Variants in CSMD1 observed in about 807,000 individuals in gnomAD.
CSMD1 encodes the protein CUB and sushi domain-containing protein 1.
A neutral mutation model predicts 417.5 loss-of-function variants in CSMD1; 213 were observed. The ratio of observed to expected loss-of-function variants is 0.51; its 90% CI spans 0.46 to 0.57. CSMD1 has a LOEUF of 0.57. CSMD1 is among the 20% of genes least tolerant of loss of function. The probability of loss-of-function intolerance (pLI) is 0.00; values close to 1 mark genes in which losing one functional copy is unlikely to be tolerated. For missense variants in CSMD1, 6,923 were observed against 4,529.7 expected, an observed-to-expected ratio of 1.53 and a Z score of -15.17; for synonymous variants, 2,862 against 1,736.8, an observed-to-expected ratio of 1.65 and a Z score of -16.11.
chr8:4,073,956 A>T (rs537578230), intron 3 of CSMD1, among the ~76,000 whole-genome samples: 2 of 152,200 alleles, frequency 1.3e-5, no homozygotes, highest in South Asian at 2.1e-4. Flanking sequence ...TCTTTTGATA[A>T]ATCACTATAA....
At chr8:4,181,751 C>G (rs1299731586) in intron 3 of CSMD1, among the ~76,000 whole-genome samples, 1 of 152,078 alleles carries the variant, frequency 6.6e-6, no homozygotes, top group Non-Finnish European at 1.5e-5. Flanking sequence ...AACAACAATT[C>G]TTATCTTGTC....
intron 3 of CSMD1, among the ~76,000 whole-genome samples, chr8:4,078,607 A>T (rs1240476772): frequency 2.0e-5 from 3 of 146,942 alleles, no homozygotes; most frequent in African/African-American, 5.0e-5. Flanking sequence ...ATGAAATATA[A>T]TTTTTTTTTT....
chr8:4,532,891 C>A (rs867428754), intron 2 of CSMD1, among the ~76,000 whole-genome samples: 54 of 151,868 alleles, frequency 3.6e-4, no homozygotes, highest in African/African-American at 1.3e-3. Flanking sequence ...AAATCCTGCA[C>A]CCCCATTCAG....
chr8:3,576,760 G>A (rs1350861229), intron 9 of CSMD1, among the ~76,000 whole-genome samples: 9 of 152,140 alleles, frequency 5.9e-5, no homozygotes, highest in Non-Finnish European at 1.3e-4. Context: ...CTGTTTTAAT[G>A]AGCTGTTCTC....
chr8:4,462,674 TAAA>T (rs919559173), intron 2 of CSMD1, among the ~76,000 whole-genome samples: 5 of 152,198 alleles, frequency 3.3e-5, no homozygotes, highest in African/African-American at 1.2e-4. Flanking sequence ...GTTCCAGAGA[TAAA>T]AACCACTGAC....
chr8:4,377,085 T>C lies in CSMD1; in HGVS notation c.415+42868A>G, dbSNP rs187144126. ...CATTGCTTCTGTTGCTTTCATACAT[T>C]TCATTCCTCTTTCTTCTAAATTTTC... On this transcript the variant is annotated intron_variant, in intron 3 of 69. Transcript: ENST00000635120. Among the ~76,000 whole-genome samples the C allele has an allele frequency of 2.3e-3, 343 of 152,314 alleles. 1 individual carries two copies. Among genetic ancestry groups the C allele is most frequent in the African/African-American group, 7.9e-3 (327 of 41,578 alleles).
chr8:4,359,378 G>C (rs188688904), intron 3 of CSMD1, among the ~76,000 whole-genome samples: 21 of 152,266 alleles, frequency 1.4e-4, no homozygotes, highest in Admixed American at 1.1e-3. Flanking sequence ...ATTATCAATA[G>C]GGTTTAAACT....
chr8:3,993,801 T>A (rs897064394), intron 5 of CSMD1, among the ~76,000 whole-genome samples: 2 of 152,254 alleles, frequency 1.3e-5, no homozygotes, highest in African/African-American at 4.8e-5. Flanking sequence ...ACAACCTGTT[T>A]GTTTCACTTG....
intron 58 of CSMD1, 46 bp from the exon 59 acceptor site, chr8:2,966,000 T>C (rs1407162033): frequency 2.0e-6 from 3 of 1,485,180 alleles, no homozygotes; most frequent in Non-Finnish European, 2.8e-6. Flanking sequence ...TCATTTACCA[T>C]GAAATGAATT....
chr8:4,087,682 C>T (rs1216800515), intron 3 of CSMD1, among the ~76,000 whole-genome samples: 2 of 152,170 alleles, frequency 1.3e-5, no homozygotes, highest in African/African-American at 4.8e-5. Context: ...CATTCTTCCT[C>T]TCGTGTCTCT....
chr8:3,240,532 G>T (rs1799428865), intron 26 of CSMD1, among the ~76,000 whole-genome samples: 1 of 151,996 alleles, frequency 6.6e-6, no homozygotes, highest in African/African-American at 2.4e-5. Context: ...GGTAACAGAT[G>T]AGGAAGAAAT....
At chr8:3,759,101 A>G (rs530287416) in intron 5 of CSMD1, among the ~76,000 whole-genome samples, 3 of 152,236 alleles carry the variant, frequency 2.0e-5, no homozygotes, top group Non-Finnish European at 2.9e-5. Flanking sequence ...TTTCTAATCT[A>G]TTTACTGAAC....
chr8:4,467,260 T>G (rs1444568570), intron 2 of CSMD1, among the ~76,000 whole-genome samples: 1 of 152,160 alleles, frequency 6.6e-6, no homozygotes, highest in Non-Finnish European at 1.5e-5. Context: ...AGAATCTACT[T>G]CAATTCGTGT....
rs553624152 is a variant in CSMD1 at position 4,774,994 on chromosome 8, G to C, written c.86-137436C>G. On this transcript the variant is annotated intron_variant, in intron 1 of 69. Coordinates refer to ENST00000635120, the MANE Select transcript of CSMD1 (RefSeq NM_033225.6). Reference sequence around the variant, plus strand: ...TTTGTTTACAAATTACCCAGCCTCAGGTATTTCTTTAAAGCAGTGTGAGAA... The same window carrying C: ...TTTGTTTACAAATTACCCAGCCTCACGTATTTCTTTAAAGCAGTGTGAGAA... Among the ~76,000 whole-genome samples, 9 of 152,146 alleles carry C rather than the reference G, an allele frequency of 5.9e-5. No individual in the cohort carries two copies. The East Asian group carries it at 1.5e-3, about 26-fold the overall frequency.
Position 3,206,194 on chromosome 8 carries a change from G to C in CSMD1, c.4868-574C>G, listed in dbSNP as rs113149138. On this transcript the variant is annotated intron_variant, in intron 30 of 69. Transcript: ENST00000635120. ...AAAGAATCCATCATTAGAAAGTTAGGGCTTACAAAATATAGAGAGGTGTGT... is the reference window on the plus strand; with the variant it reads ...AAAGAATCCATCATTAGAAAGTTAGCGCTTACAAAATATAGAGAGGTGTGT... Among the ~76,000 whole-genome samples, 481 of 143,688 alleles carry C rather than the reference G, an allele frequency of 3.3e-3. 5 individuals are homozygous for C. The highest frequency in any genetic ancestry group is 0.012 in the African/African-American group (450 of 38,930). The allele number at this position is 143,688 out of a possible 152,430, so 94.3% of individuals were successfully genotyped here. A position where few individuals can be genotyped will look rare whatever the true frequency, so the allele number is the denominator to read the frequency against.
intron 2 of CSMD1, among the ~76,000 whole-genome samples, chr8:4,580,094 G>A (rs1425366591): frequency 2.6e-5 from 4 of 152,188 alleles, no homozygotes; most frequent in African/African-American, 9.7e-5. Flanking sequence ...AAGAGGGTGG[G>A]AGGACTAAAT....
rs1046522488 is a variant in CSMD1, at chr8:4,143,914, G to A, written c.416-111815C>T. 2.6e-5 allele frequency among the ~76,000 whole-genome samples: 4 copies of A among 151,162 alleles called. 1 individual carries two copies. Among genetic ancestry groups the A allele is most frequent in the Admixed American group, 6.6e-5 (1 of 15,228 alleles). On this transcript the variant is annotated intron_variant, in intron 3 of 69. Coordinates refer to ENST00000635120, the MANE Select transcript of CSMD1 (RefSeq NM_033225.6). The stretch of plus-strand genomic sequence containing the variant: ...GGTCCCTGGCTAATTAAAGGCTGGG[G>A]TGAATTGGCCCGTGTTGCAGATGAA...
intron 3 of CSMD1, among the ~76,000 whole-genome samples, chr8:4,277,962 C>G (rs1272060574): frequency 1.3e-5 from 2 of 152,100 alleles, no homozygotes; most frequent in East Asian, 1.9e-4. Context: ...GCTGGCCAGG[C>G]TGGTCTTGAA....
At chr8:3,907,821 C>G (rs916737950) in intron 5 of CSMD1, among the ~76,000 whole-genome samples, 1 of 152,192 alleles carries the variant, frequency 6.6e-6, no homozygotes, top group African/African-American at 2.4e-5. Context: ...ATATCTCTTC[C>G]GTAGTTCTTC....
Sources: allele counts gnomAD v4.1 joint callset (sites outside exome capture counted in the v4.1 genomes callset), GRCh38; gene constraint gnomAD v4.1.1; transcripts MANE v1.5; gene names NCBI Gene and HGNC (gene_info 2026-07-23, HGNC 2026-07-21).